The following YTHDC2 variants were observed in gnomAD, a reference collection of about 807,000 sequenced individuals.
YTHDC2 encodes 3'-5' RNA helicase YTHDC2.
In YTHDC2, 45 loss-of-function variants were observed where a neutral mutation model predicts 174.9. The observed-to-expected ratio is 0.26, with a 90% CI of 0.20 to 0.33. The LOEUF (loss-of-function observed/expected upper bound fraction) is 0.33, where lower values mean the gene tolerates loss of function less well. Ranked by LOEUF, YTHDC2 falls within the 10% of genes least tolerant of loss-of-function variation. The probability of loss-of-function intolerance (pLI) is 1.00; values close to 1 mark genes in which losing one functional copy is unlikely to be tolerated. For synonymous variants in YTHDC2, 657 were observed against 574.5 expected (o/e 1.14, Z -2.05); for missense variants, 1,650 against 1,723.7 (o/e 0.96, Z 0.76).
At chr5:113,517,178 A>G (rs1773490206) in intron 2 of YTHDC2, among the ~76,000 whole-genome samples, 1 of 152,198 alleles carries the variant, frequency 6.6e-6, no homozygotes, top group African/African-American at 2.4e-5. Context: ...AAATTCTATG[A>G]ATATTCACAC....
chr5:113,552,363 AG>A (rs1215204051), intron 12 of YTHDC2, among the ~76,000 whole-genome samples: 1 of 152,038 alleles, frequency 6.6e-6, no homozygotes, highest in African/African-American at 2.4e-5. Context: ...GGCCTCCTCC[AG>A]CTTTAGACCA....
At chr5:113,573,359 C>G (rs1777850616) in intron 23 of YTHDC2, among the ~76,000 whole-genome samples, 1 of 152,130 alleles carries the variant, frequency 6.6e-6, no homozygotes, top group South Asian at 2.1e-4. Context: ...ATGGGCTTCC[C>G]TTTGTATGTA....
intron 23 of YTHDC2, among the ~76,000 whole-genome samples, chr5:113,568,273 C>T (rs1777483295): frequency 6.6e-6 from 1 of 151,936 alleles, no homozygotes; most frequent in South Asian, 2.1e-4. Flanking sequence ...TTGTTATTTT[C>T]ATTACAGAGA....
At chr5:113,530,049 G>A (rs984178415) in intron 4 of YTHDC2, among the ~76,000 whole-genome samples, 2 of 152,064 alleles carry the variant, frequency 1.3e-5, no homozygotes, top group African/African-American at 2.4e-5. Context: ...GGATCCTCCT[G>A]CTTCTGCCTC....
chr5:113,575,668 G>T (rs991949172), intron 23 of YTHDC2, among the ~76,000 whole-genome samples: 5 of 152,176 alleles, frequency 3.3e-5, no homozygotes, highest in African/African-American at 1.2e-4. Context: ...TGAAAGGAAA[G>T]CAAGGACTTG....
chr5:113,563,830 C>T, intron 19 of YTHDC2, 29 bp from the exon 20 acceptor site: 1 of 1,612,096 alleles, frequency 6.2e-7, no homozygotes, highest in Non-Finnish European at 8.5e-7. Context: ...TTGCTCACAT[C>T]AAAGTCTGTT....
At position 113,549,014 on chromosome 5, in the gene YTHDC2, C is replaced by G. The variant is rs1776072386; in HGVS notation, c.1682C>G (p.Ser561Cys). Residue 561 changes from serine to cysteine, a missense_variant, in exon 12 of 30, where the codon TCT (serine) becomes TGT (cysteine). This residue lies in a region of YTHDC2 where 411 missense variants were observed against 380.6 expected (regional missense o/e 1.08). Coordinates refer to ENST00000161863, the MANE Select transcript of YTHDC2 (RefSeq NM_022828.5). The stretch of plus-strand genomic sequence containing the variant: ...ACTGAAATTGTGGATCTTCTAGAAT[C>G]TTACAGGTAAAACTTTGTACTATTT... ...GQTEIVDLLESYSATLEFGNL... is the reference protein window; with the variant it reads ...GQTEIVDLLECYSATLEFGNL... The G allele has an allele frequency of 6.2e-7, 1 of 1,611,814 alleles. No homozygotes were observed. Among genetic ancestry groups the G allele is most frequent in the African/African-American group, 1.3e-5 (1 of 74,764 alleles).
chr5:113,553,316 G>T lies in YTHDC2; in HGVS notation c.1824G>T (p.Leu608Phe). ...SFDDEKVDLD[L>F]IMHLLYNICH... is the part of the protein sequence containing the mutation. ...ATGATGAAAAAGTAGACTTGGATTT[G>T]ATCATGCATCTTCTATACAATATCT... The change falls in exon 13 of 30, where the codon TTG becomes TTT. Residue 608 changes from leucine to phenylalanine, a missense_variant. This residue lies in a region of YTHDC2 where 411 missense variants were observed against 380.6 expected (regional missense o/e 1.08). Coordinates refer to ENST00000161863, the MANE Select transcript of YTHDC2 (RefSeq NM_022828.5). 1 of 1,611,078 alleles carries T rather than the reference G, an allele frequency of 6.2e-7. No homozygotes were observed. The highest frequency in any genetic ancestry group is 1.1e-5 in the South Asian group (1 of 90,526).
intron 12 of YTHDC2, among the ~76,000 whole-genome samples, chr5:113,549,669 G>GT (rs1442867794): frequency 6.6e-6 from 1 of 152,030 alleles, no homozygotes; most frequent in African/African-American, 2.4e-5. Context: ...CAAATTTGCC[G>GT]TATCTGATAT....
chr5:113,532,840 G>A (rs1303355860), intron 4 of YTHDC2, 39 bp from the exon 5 acceptor site: 1 of 1,565,796 alleles, frequency 6.4e-7, no homozygotes, highest in Admixed American at 1.8e-5. Flanking sequence ...TGTATTATGT[G>A]ATCATGTCAT....
At chr5:113,533,180 T>A in intron 5 of YTHDC2, 135 bp downstream of exon 5, 1 of 923,194 alleles carries the variant, frequency 1.1e-6, no homozygotes, top group Non-Finnish European at 1.6e-6. Flanking sequence ...ATCAAGATAT[T>A]AAAGTCATGT....
intron 12 of YTHDC2, among the ~76,000 whole-genome samples, chr5:113,550,369 A>G (rs1776168579): frequency 6.6e-6 from 1 of 152,200 alleles, no homozygotes. Flanking sequence ...ATCACAGAAA[A>G]CTAAGCAAAT....
chr5:113,552,566 A>G (rs1278605123), intron 12 of YTHDC2, among the ~76,000 whole-genome samples: 1 of 152,138 alleles, frequency 6.6e-6, no homozygotes, highest in Admixed American at 6.6e-5. Flanking sequence ...TTGTCAATTG[A>G]TGAACACTTA....
At chr5:113,576,994 C>G (rs1010081695) in intron 23 of YTHDC2, among the ~76,000 whole-genome samples, 1 of 151,882 alleles carries the variant, frequency 6.6e-6, no homozygotes, top group Non-Finnish European at 1.5e-5. Context: ...TTTTTATAAC[C>G]ATGTTGAGTT....
At chr5:113,539,488 T>C (rs532254819) in intron 8 of YTHDC2, among the ~76,000 whole-genome samples, 7 of 152,158 alleles carry the variant, frequency 4.6e-5, no homozygotes, top group Non-Finnish European at 8.8e-5. Flanking sequence ...GCATATCTCA[T>C]AGGGAAGGAC....
At chr5:113,567,404 T>TTATATATATATA (rs368320106) in intron 22 of YTHDC2, 107 bp downstream of exon 22, 159 of 287,542 alleles carry the variant, frequency 5.5e-4, no homozygotes, top group African/African-American at 5.5e-3. Context: ...AATTAATTAG[T>TTATATATATATA]TATATATATA....
chr5:113,567,040 A>G, intron 21 of YTHDC2, 52 bp from the exon 22 acceptor site: 3 of 1,547,398 alleles, frequency 1.9e-6, no homozygotes, highest in Non-Finnish European at 2.6e-6. Flanking sequence ...AAAAATACAC[A>G]AAAGTATCTT....
chr5:113,594,559 G>C lies in YTHDC2; in HGVS notation c.*1085G>C, dbSNP rs541071003. ...ATTTTTTTTTTGTAAATCCGTGCTT[G>C]TGCCAAGTCTCATATTTCTTTGCCA... On this transcript the variant is annotated 3_prime_UTR_variant, in exon 30 of 30. Coordinates refer to ENST00000161863, the MANE Select transcript of YTHDC2 (RefSeq NM_022828.5). 1 of 151,494 alleles carries C rather than the reference G, an allele frequency of 6.6e-6. No individual in the cohort carries two copies. The highest frequency in any genetic ancestry group is 1.9e-4 in the East Asian group (1 of 5,152). 9.4% of individuals were successfully genotyped at this position (151,494 alleles called of 1,614,324 possible).
intron 23 of YTHDC2, among the ~76,000 whole-genome samples, chr5:113,568,126 C>T (rs183157788): frequency 3.9e-5 from 6 of 151,950 alleles, no homozygotes; most frequent in Admixed American, 2.0e-4. Flanking sequence ...GATAGTTTAA[C>T]GTAAATAAAG....
Sources: allele counts gnomAD v4.1 joint callset (sites outside exome capture counted in the v4.1 genomes callset), GRCh38; gene constraint gnomAD v4.1.1; regional missense constraint gnomAD v4.1.1; transcripts MANE v1.5; gene names NCBI Gene and HGNC (gene_info 2026-07-23, HGNC 2026-07-21).